CBX7: variants seen among roughly 807,000 people sequenced by gnomAD.
The protein encoded by CBX7 is chromobox protein homolog 7.
In CBX7, 14 loss-of-function variants were observed where a neutral mutation model predicts 31.4. That is an observed-to-expected ratio of 0.45 (90% CI 0.29 to 0.70). The LOEUF is 0.70. Ranked by LOEUF, CBX7 falls within the 30% of genes least tolerant of loss-of-function variation. CBX7 has a pLI of 0.11. For synonymous variants in CBX7, 159 were observed against 152.6 expected, an observed-to-expected ratio of 1.04 and a Z score of -0.31; for missense variants, 269 against 351.9, an observed-to-expected ratio of 0.76 and a Z score of 1.89.
At chr22:39,143,365 A>G (rs925976981) in intron 2 of CBX7, among the ~76,000 whole-genome samples, 2 of 152,150 alleles carry the variant, frequency 1.3e-5, no homozygotes, top group African/African-American at 2.4e-5. Context: ...TATAAAACAA[A>G]TATTTTGTAC....
intron 5 of CBX7, 151 bp downstream of exon 5, chr22:39,134,247 CAGG>C (rs1368311310): frequency 2.3e-6 from 2 of 855,408 alleles, no homozygotes; most frequent in African/African-American, 3.4e-5. Context: ...AGCGGGACGA[CAGG>C]AGGAGCCCTG....
At chr22:39,137,628 C>A (rs529604528) in intron 4 of CBX7, among the ~76,000 whole-genome samples, 1 of 152,124 alleles carries the variant, frequency 6.6e-6, no homozygotes, top group African/African-American at 2.4e-5. Context: ...GGATTACAGG[C>A]ATGAGCCACC....
Position 39,152,510 on chromosome 22 carries a change from T to A in CBX7, c.-66A>T. The A allele has an allele frequency of 1.4e-6, 1 of 737,188 alleles. No individual in the cohort carries two copies. The highest frequency in any genetic ancestry group is 1.7e-6 in the Non-Finnish European group (1 of 604,212). 45.7% of individuals were successfully genotyped at this position (737,188 alleles called of 1,614,324 possible). A position where few individuals can be genotyped will look rare whatever the true frequency, so the allele number is the denominator to read the frequency against. Reference sequence around the variant, plus strand: ...GGGGGCGGAGCTGCGGGGCCGCGGCTGCGGCGCGCGATGCTGGGGCTGGCG... The same window carrying A: ...GGGGGCGGAGCTGCGGGGCCGCGGCAGCGGCGCGCGATGCTGGGGCTGGCG... On this transcript the variant is annotated 5_prime_UTR_variant, in exon 1 of 6. Transcript: ENST00000216133. The surrounding 1 kb of genome is among the most constrained non-coding windows in gnomAD (Gnocchi z 4.9).
Position 39,133,128 on chromosome 22 carries a change from G to A in CBX7, c.*763C>T, listed in dbSNP as rs4820369. The A allele has an allele frequency of 0.16, 23,995 of 152,244 alleles. 2,633 individuals carry two copies. Among genetic ancestry groups the A allele is most frequent in the East Asian group, 0.43 (2,189 of 5,140 alleles). 9.4% of individuals were successfully genotyped at this position (152,244 alleles called of 1,614,324 possible). On this transcript the variant is annotated 3_prime_UTR_variant, in exon 6 of 6. Coordinates refer to ENST00000216133, the MANE Select transcript of CBX7 (RefSeq NM_175709.5). ...GAATCACCCCACGTTCGCCTGGCCA[G>A]GGTTTCTAACCCAGGTTCGCAAGGC...
At chr22:39,137,585 G>A (rs1272052840) in intron 4 of CBX7, among the ~76,000 whole-genome samples, 1 of 152,084 alleles carries the variant, frequency 6.6e-6, no homozygotes, top group Non-Finnish European at 1.5e-5. Context: ...CTGACCTCAG[G>A]TGATCCACCC....
chr22:39,140,641 G>C (rs973517169), intron 3 of CBX7, among the ~76,000 whole-genome samples: 1 of 152,304 alleles, frequency 6.6e-6, no homozygotes, highest in Admixed American at 6.5e-5. Context: ...GGTTGCCATA[G>C]GGGCCAAATA....
chr22:39,141,355 GC>G lies in CBX7; in HGVS notation c.179+15del, dbSNP rs1251043381. The G allele has an allele frequency of 1.2e-6, 2 of 1,607,522 alleles. No homozygotes were observed. The highest frequency in any genetic ancestry group is 1.7e-6 in the Non-Finnish European group (2 of 1,177,144). On this transcript the variant is annotated intron_variant, in intron 3 of 5. Transcript: ENST00000216133. ...CCGGCCCTAAGCCCCACCCGGCGGT[GC>G]CGAGGACACCGTACTTCTCCTCGTA...
chr22:39,138,628 C>G lies in CBX7; in HGVS notation c.246+8G>C. 5 of 1,613,794 alleles carry G rather than the reference C, an allele frequency of 3.1e-6. No homozygotes were observed. The highest frequency in any genetic ancestry group is 4.2e-6 in the Non-Finnish European group (5 of 1,179,664). ...GGGAGAAAGGAGGCACAAAGGCAGG[C>G]TGGTTACCTGCAGCAGAAGCCGCTT... On this transcript the variant is annotated splice_region_variant and intron_variant, in intron 4 of 5. Coordinates refer to ENST00000216133, the MANE Select transcript of CBX7 (RefSeq NM_175709.5).
At chr22:39,143,318 AAATT>A (rs1249416156) in intron 2 of CBX7, among the ~76,000 whole-genome samples, 1 of 151,918 alleles carries the variant, frequency 6.6e-6, no homozygotes, top group African/African-American at 2.4e-5. Flanking sequence ...AAAGTAAAAT[AAATT>A]AAACTTTTTT....
At chr22:39,135,455 T>C (rs77423977) in intron 4 of CBX7, 6 of 152,350 alleles carry the variant, frequency 3.9e-5, no homozygotes, top group African/African-American at 1.4e-4. Flanking sequence ...CTACAAAAGA[T>C]TCATGGTGCC....
At chr22:39,139,416 T>C (rs185382980) in intron 3 of CBX7, among the ~76,000 whole-genome samples, 13 of 151,614 alleles carry the variant, frequency 8.6e-5, no homozygotes, top group Non-Finnish European at 1.6e-4. Context: ...AAAACCCCAT[T>C]TACCAGCCAG....
chr22:39,149,856 CAGTG>C (rs769035012), intron 1 of CBX7, 24 bp from the exon 2 acceptor site: 4 of 1,610,916 alleles, frequency 2.5e-6, no homozygotes, highest in Non-Finnish European at 3.4e-6. Context: ...GAAGCAGACA[CAGTG>C]AGTCTCGTGG....
At chr22:39,151,752 T>C (rs188353606) in intron 1 of CBX7, among the ~76,000 whole-genome samples, 11 of 150,284 alleles carry the variant, frequency 7.3e-5, no homozygotes, top group African/African-American at 2.5e-4. Flanking sequence ...AATTGCAGGG[T>C]GTATGTTTTG....
At chr22:39,147,980 CCACCCTCT>C (rs1316717331) in intron 2 of CBX7, 1 of 152,268 alleles carries the variant, frequency 6.6e-6, no homozygotes, top group Non-Finnish European at 1.5e-5. Flanking sequence ...TCAATTACAT[CCACCCTCT>C]CACCCTCACA....
intron 2 of CBX7, chr22:39,149,401 G>A (rs900813507): frequency 6.9e-6 from 2 of 290,330 alleles, no homozygotes; most frequent in Non-Finnish European, 1.3e-5. Flanking sequence ...CAGCACTGAG[G>A]ACTCATGCAG....
rs937043742 is a variant in CBX7 at position 39,141,478 on chromosome 22, G to C, written c.114-42C>G. ...AAGGTCAGAGTTGGGGCTGGGCGCG[G>C]TGGCTCATGCCTGTAATCCCAGCAC... On this transcript the variant is annotated intron_variant, in intron 2 of 5. Transcript: ENST00000216133. 3.9e-6 allele frequency: 6 copies of C among 1,557,540 alleles called. No individual in the cohort carries two copies. The African/African-American group carries it at 8.1e-5, about 21-fold the overall frequency.
At chr22:39,141,310 G>A in intron 3 of CBX7, 61 bp downstream of exon 3, 2 of 1,469,698 alleles carry the variant, frequency 1.4e-6, no homozygotes, top group Non-Finnish European at 1.9e-6. Context: ...CCAGCAGCAG[G>A]CTCCTGGGAA....
chr22:39,139,203 C>A (rs5757494), intron 3 of CBX7, among the ~76,000 whole-genome samples: 1 of 152,052 alleles, frequency 6.6e-6, no homozygotes, highest in Non-Finnish European at 1.5e-5. Context: ...CGGCTCCTAC[C>A]CTGTCTGTCC....
intron 4 of CBX7, among the ~76,000 whole-genome samples, chr22:39,138,179 T>C (rs1032084141): frequency 7.5e-6 from 1 of 133,170 alleles, no homozygotes; most frequent in Non-Finnish European, 1.6e-5. Flanking sequence ...CGAGACTCCG[T>C]CTCAAAAAAA....
Sources: gnomAD v4.1 joint callset for allele counts (sites outside exome capture counted in the v4.1 genomes callset) on GRCh38, gnomAD v4.1.1 for gene constraint, Gnocchi (gnomAD v3.1) non-coding constraint, MANE v1.5 for transcripts, NCBI Gene and HGNC (gene_info 2026-07-23, HGNC 2026-07-21) for gene names.